The following RGPD3 variants were observed in gnomAD, a reference collection of about 807,000 sequenced individuals.
RGPD3 encodes the protein ranBP2-like and GRIP domain-containing protein 3.
A neutral mutation model predicts 154.5 loss-of-function variants in RGPD3; 62 were observed. The observed-to-expected ratio is 0.40, with a 90% CI of 0.33 to 0.50. The LOEUF (loss-of-function observed/expected upper bound fraction) is 0.50. RGPD3 is among the 20% of genes least tolerant of loss of function. RGPD3 has a pLI of 0.59. For synonymous variants in RGPD3, 308 were observed against 607.0 expected, an observed-to-expected ratio of 0.51 and a Z score of 7.24; for missense variants, 919 against 1,716.8, an observed-to-expected ratio of 0.54 and a Z score of 8.21.
At chr2:106,437,485 C>T (rs1049218200) in intron 9 of RGPD3, among the ~76,000 whole-genome samples, 15 of 152,044 alleles carry the variant, frequency 9.9e-5, no homozygotes, top group African/African-American at 3.6e-4. Flanking sequence ...GCGCTCCAGC[C>T]TGGGTGACAG....
chr2:106,411,007 G>C (rs1264665572), intron 22 of RGPD3, among the ~76,000 whole-genome samples: 4 of 150,408 alleles, frequency 2.7e-5, no homozygotes, highest in Non-Finnish European at 5.9e-5. Flanking sequence ...AAGTATGTCT[G>C]TAAAAAAAAT....
At chr2:106,470,901 G>A (rs1573315340), upstream of RGPD3, 3 of 1,581,122 alleles carry the variant, frequency 1.9e-6, no homozygotes, top group East Asian at 4.5e-5. Flanking sequence ...CGTCAGAGAG[G>A]GAGCTGGCAG....
In RGPD3 at chr2:106,405,437, G is replaced by A. The variant is rs554088061; in HGVS notation, c.5267-208C>T. Reference sequence around the variant, plus strand: ...GTCACCCAGGCTGGAGTGCAGTGGCGTGATGAGACTTCAGTGCAGCCTTGA... The same window carrying A: ...GTCACCCAGGCTGGAGTGCAGTGGCATGATGAGACTTCAGTGCAGCCTTGA... On this transcript the variant is annotated intron_variant, in intron 22 of 22. Transcript: ENST00000409886. 5.5e-5 allele frequency among the ~76,000 whole-genome samples: 8 copies of A among 146,382 alleles called. No homozygotes were observed. The South Asian group carries it at 8.6e-4, about 16-fold the overall frequency.
chr2:106,460,389 G>T (rs1282716753), intron 1 of RGPD3, among the ~76,000 whole-genome samples: 4 of 151,434 alleles, frequency 2.6e-5, no homozygotes, highest in African/African-American at 9.7e-5. Flanking sequence ...AGGCACTGAG[G>T]ATTCCCTGTG....
Position 106,424,838 on chromosome 2 carries a change from T to A in RGPD3, c.3129A>T (p.Gln1043His), listed in dbSNP as rs1330493426. The A allele has an allele frequency of 6.2e-7, 1 of 1,611,696 alleles. No individual in the cohort carries two copies. Among genetic ancestry groups the A allele is most frequent in the Admixed American group, 1.7e-5 (1 of 59,966 alleles). Residue 1043 changes from glutamine (Q) to histidine (H), a missense_variant, in exon 20 of 23, where the codon CAA becomes CAT. Physicochemically the swap from Gln to His is conservative, Grantham distance 24. Coordinates refer to ENST00000409886, the MANE Select transcript of RGPD3 (RefSeq NM_001144013.2). ...TTACAAGTTCTACTTTTTCAGGCAT[T>A]TGAACTACTGGTTCAAAATGGATGT... ...SDDIHFEPVVQMPEKVELVTG... is the reference protein window; with the variant it reads ...SDDIHFEPVVHMPEKVELVTG...
intron 20 of RGPD3, among the ~76,000 whole-genome samples, chr2:106,421,372 T>C (rs1007378315): frequency 3.7e-4 from 57 of 152,070 alleles, no homozygotes; most frequent in African/African-American, 1.2e-3. Context: ...TTAACACTTT[T>C]CACATTTCTC....
At position 106,405,215 on chromosome 2, in the gene RGPD3, C is replaced by T. The variant is rs1676472232; in HGVS notation, c.*4G>A. ...GATGCCCATCCAGAAGAACGGGAAG[C>T]ATTTTATTCCTCACCTTTGGAAAGT... On this transcript the variant is annotated 3_prime_UTR_variant, in exon 23 of 23. Coordinates refer to ENST00000409886, the MANE Select transcript of RGPD3 (RefSeq NM_001144013.2). 2 of 1,608,858 alleles carry T rather than the reference C, an allele frequency of 1.2e-6. No homozygotes were observed. The highest frequency in any genetic ancestry group is 1.7e-6 in the Non-Finnish European group (2 of 1,178,618).
At chr2:106,411,758 C>T (rs1220261522) in intron 22 of RGPD3, among the ~76,000 whole-genome samples, 1 of 152,102 alleles carries the variant, frequency 6.6e-6, no homozygotes, top group Non-Finnish European at 1.5e-5. Flanking sequence ...GAGGAGGTTG[C>T]AGTGAGCCAT....
At position 106,405,055 on chromosome 2, in the gene RGPD3, T is replaced by G; in HGVS notation, c.*164A>C. On this transcript the variant is annotated 3_prime_UTR_variant, in exon 23 of 23. Transcript: ENST00000409886. ...ATATAGATGTACAAATATATGTAAA[T>G]GCAAACATATACACACTTTTTGACA... is the stretch of plus-strand genomic sequence containing the variant. The G allele has an allele frequency of 4.0e-6, 3 of 753,214 alleles. No individual in the cohort carries two copies. Among genetic ancestry groups the G allele is most frequent in the South Asian group, 3.7e-5 (2 of 53,844 alleles). The allele number at this position is 753,214 out of a possible 1,614,324, so 46.7% of individuals were successfully genotyped here.
chr2:106,464,016 G>C (rs1314566461), intron 1 of RGPD3, among the ~76,000 whole-genome samples: 2 of 152,154 alleles, frequency 1.3e-5, no homozygotes, highest in Admixed American at 1.3e-4. Flanking sequence ...AAGTGTCTGA[G>C]GACAGTTTTG....
Position 106,423,967 on chromosome 2 carries a change from A to T in RGPD3, c.4000T>A (p.Tyr1334Asn), listed in dbSNP as rs774730787. 68 of 1,611,728 alleles carry T rather than the reference A, an allele frequency of 4.2e-5. No individual in the cohort carries two copies. The South Asian group carries it at 7.4e-4, about 17-fold the overall frequency. ...VTQEEERDGQ[Y>N]FEPVVPLPDL... ...GGTAAAGGAACAACAGGTTCAAAGT[A>T]CTGTCCATCTCTCTCTTCTTCTTGA... Residue 1334 changes from tyrosine to asparagine, a missense_variant, in exon 20 of 23, where the codon TAC (tyrosine) becomes AAC (asparagine). Tyr to Asn is a moderately radical substitution (Grantham distance 143). Coordinates refer to ENST00000409886, the MANE Select transcript of RGPD3 (RefSeq NM_001144013.2).
Position 106,423,760 on chromosome 2 carries a change from A to G in RGPD3, c.4207T>C (p.Leu1403=). The G allele has an allele frequency of 6.2e-7, 1 of 1,611,904 alleles. No homozygotes were observed. The highest frequency in any genetic ancestry group is 8.5e-7 in the Non-Finnish European group (1 of 1,179,838). Residue 1403 remains leucine, a synonymous_variant, in exon 20 of 23, where the codon TTA becomes CTA. Coordinates refer to ENST00000409886, the MANE Select transcript of RGPD3 (RefSeq NM_001144013.2). ...ATTCTGTGATTGGCACAAAGTTTTA[A>G]TACTTGGTCCCTTCTCATCAGTATA... ...VRILMRRDQV[L]KLCANHRITP... is the part of the protein sequence containing the mutation.
intron 22 of RGPD3, 42 bp from the exon 23 acceptor site, chr2:106,405,271 A>G (rs1404269091): frequency 2.5e-6 from 4 of 1,588,648 alleles, no homozygotes; most frequent in Non-Finnish European, 2.6e-6. Context: ...AGAGAGTATT[A>G]AAATTTCTCA....
intron 1 of RGPD3, among the ~76,000 whole-genome samples, chr2:106,466,070 G>A (rs1383842183): frequency 6.6e-6 from 1 of 151,772 alleles, no homozygotes; most frequent in African/African-American, 2.4e-5. Flanking sequence ...TACAGCACCC[G>A]GGTGCCCAAG....
At chr2:106,441,569 G>A (rs1335442096) in intron 7 of RGPD3, among the ~76,000 whole-genome samples, 189 bp from the exon 8 acceptor site, 1 of 151,636 alleles carries the variant, frequency 6.6e-6, no homozygotes, top group Non-Finnish European at 1.5e-5. Flanking sequence ...GATAGGCCAG[G>A]TACAGGCGTG....
Position 106,425,226 on chromosome 2 carries a change from A to T in RGPD3, c.2741T>A (p.Phe914Tyr). ...NTEFKSTKEGFSIPVSADGFK... is the reference protein window; with the variant it reads ...NTEFKSTKEGYSIPVSADGFK... ...TCCATCAGCAGACACAGGGATGGAA[A>T]ATCCTTCTTTGGTTGACTTAAATTC... is the stretch of plus-strand genomic sequence containing the variant. Residue 914 changes from phenylalanine (F) to tyrosine (Y), a missense_variant, in exon 20 of 23, where the codon TTT (phenylalanine) becomes TAT (tyrosine). Physicochemically the swap from Phe to Tyr is conservative, Grantham distance 22 (BLOSUM62 3). Transcript: ENST00000409886. 1 of 1,611,608 alleles carries T rather than the reference A, an allele frequency of 6.2e-7. No homozygotes were observed.
At chr2:106,441,538 G>C (rs1677741318) in intron 7 of RGPD3, among the ~76,000 whole-genome samples, 158 bp from the exon 8 acceptor site, 1 of 151,652 alleles carries the variant, frequency 6.6e-6, no homozygotes, top group African/African-American at 2.4e-5. Flanking sequence ...GGGAACCAAG[G>C]AATTTGTATA....
At chr2:106,410,454 G>C (rs963689680) in intron 22 of RGPD3, among the ~76,000 whole-genome samples, 170 of 152,106 alleles carry the variant, frequency 1.1e-3, no homozygotes, top group Non-Finnish European at 2.1e-3. Flanking sequence ...GTCTCTTTTA[G>C]AACTTCTAAA....
chr2:106,467,556 G>A (rs74180278), intron 1 of RGPD3, among the ~76,000 whole-genome samples: 866 of 17,176 alleles, frequency 0.05, 108 homozygotes, highest in East Asian at 0.21. Context: ...TCAACAGAGC[G>A]TGCCAGGGAG....
Sources: allele counts gnomAD v4.1 joint callset (sites outside exome capture counted in the v4.1 genomes callset), GRCh38; gene constraint gnomAD v4.1.1; transcripts MANE v1.5; gene names NCBI Gene and HGNC (gene_info 2026-07-23, HGNC 2026-07-21).